The following UGT2B11 variants were observed in gnomAD, a reference collection of about 807,000 sequenced individuals.
UGT2B11 encodes the protein UDP glucuronosyltransferase family 2 member B11.
In UGT2B11, 49 loss-of-function variants were observed where a neutral mutation model predicts 51.7. That is an observed-to-expected ratio of 0.95 (90% confidence interval 0.75 to 1.20). The LOEUF (loss-of-function observed/expected upper bound fraction) is 1.20, where lower values mean the gene tolerates loss of function less well. UGT2B11 is among the 50% of genes most tolerant of loss of function. UGT2B11 has a pLI of 0.00. For missense variants in UGT2B11, 810 were observed against 622.1 expected, an observed-to-expected ratio of 1.30 and a Z score of -3.21; for synonymous variants, 273 against 209.0, an observed-to-expected ratio of 1.31 and a Z score of -2.64.
At chr4:69,204,871 T>C (rs938841271) in intron 4 of UGT2B11, among the ~76,000 whole-genome samples, 7 of 151,782 alleles carry the variant, frequency 4.6e-5, no homozygotes, top group East Asian at 3.9e-4. Context: ...AGATTTTCAG[T>C]TGGACTAATG....
At chr4:69,223,914 G>A in the UGT2B11 span, among the ~76,000 whole-genome samples, 1 of 152,162 alleles carries the variant, frequency 6.6e-6, no homozygotes. Context: ...GTACTTGAGA[G>A]GTCCCAACAA....
chr4:69,221,559 G>C, the UGT2B11 span, among the ~76,000 whole-genome samples: 7 of 152,362 alleles, frequency 4.6e-5, no homozygotes, highest in African/African-American at 1.7e-4. Flanking sequence ...CCCAGCTTTG[G>C]CTAATATGTC....
intron 5 of UGT2B11, chr4:69,201,187 C>T (rs1252866277): frequency 6.6e-6 from 1 of 152,484 alleles, no homozygotes; most frequent in Non-Finnish European, 1.5e-5. Flanking sequence ...TGAGTACATG[C>T]TCAGCATCAT....
chr4:69,224,687 C>T, the UGT2B11 span, among the ~76,000 whole-genome samples: 1 of 151,572 alleles, frequency 6.6e-6, no homozygotes, highest in Non-Finnish European at 1.5e-5. Context: ...GCCTTAGCCA[C>T]GCCAAAGATT....
chr4:69,209,070 A>G (rs1277731179), intron 2 of UGT2B11, among the ~76,000 whole-genome samples: 1 of 150,662 alleles, frequency 6.6e-6, no homozygotes, highest in African/African-American at 2.5e-5. Flanking sequence ...TAGTTTTTCA[A>G]AAAATAAAAA....
At chr4:69,222,826 G>A in the UGT2B11 span, among the ~76,000 whole-genome samples, 1 of 152,164 alleles carries the variant, frequency 6.6e-6, no homozygotes, top group Non-Finnish European at 1.5e-5. Flanking sequence ...TCCTCCTACT[G>A]CTTATAAGGG....
rs138194120 is a variant in UGT2B11 at position 69,204,468 on chromosome 4, G to A, written c.1272C>T (p.Asp424=). ...RLDFNTMSST[D]LLNALKTVIN... ...TTACTGTCTTCAGTGCATTCAGCAG[G>A]TCTGTACTCGACATTGTGTTGAAGT... Residue 424 remains aspartate, a synonymous_variant, in exon 5 of 6, where the codon GAC becomes GAT. Coordinates refer to ENST00000446444, the MANE Select transcript of UGT2B11 (RefSeq NM_001073.3). 6.1e-5 allele frequency: 98 copies of A among 1,611,886 alleles called. No homozygotes were observed. Among genetic ancestry groups the A allele is most frequent in the Non-Finnish European group, 7.2e-5 (85 of 1,178,674 alleles).
rs774662170 is a variant in UGT2B11 at position 69,200,631 on chromosome 4, C to T, written c.1399G>A (p.Val467Ile). The T allele has an allele frequency of 1.2e-6, 2 of 1,612,246 alleles. No individual in the cohort carries two copies. The highest frequency in any genetic ancestry group is 1.7e-6 in the Non-Finnish European group (2 of 1,178,962). ...LDRAVFWIEF[V>I]MPHKGAKHLR... The stretch of plus-strand genomic sequence containing the variant: ...TGTTTGGCTCCTTTGTGGGGCATGA[C>T]AAATTCAATCCAGAAGACTGCTCGA... Residue 467 changes from valine (V) to isoleucine (I), a missense_variant, in exon 6 of 6, where the codon GTC becomes ATC. Physicochemically the swap from Val to Ile is conservative, Grantham distance 29. Coordinates refer to ENST00000446444, the MANE Select transcript of UGT2B11 (RefSeq NM_001073.3).
intron 1 of UGT2B11, 123 bp from the exon 2 acceptor site, chr4:69,212,844 T>C (rs1184315430): frequency 1.3e-5 from 11 of 867,632 alleles, no homozygotes; most frequent in Non-Finnish European, 1.7e-5. Flanking sequence ...TTGAAAAATA[T>C]ATAAATATAT....
upstream of UGT2B11, chr4:69,215,002 G>A (rs564297482): frequency 3.4e-4 from 117 of 348,596 alleles, no homozygotes; most frequent in Non-Finnish European, 5.6e-4. Context: ...TTATAATAGT[G>A]TCAAGAACAG....
the UGT2B11 span, among the ~76,000 whole-genome samples, chr4:69,224,281 T>G: frequency 2.6e-5 from 4 of 152,218 alleles, no homozygotes; most frequent in East Asian, 5.8e-4. Flanking sequence ...TCAGTAACCC[T>G]TGCAGGGAGA....
At chr4:69,213,690 T>C (rs1361753656) in intron 1 of UGT2B11, among the ~76,000 whole-genome samples, 2 of 151,858 alleles carry the variant, frequency 1.3e-5, no homozygotes, top group South Asian at 2.1e-4. Context: ...TTGATGGATT[T>C]TACTGTTTTT....
upstream of UGT2B11, among the ~76,000 whole-genome samples, chr4:69,217,737 G>C (rs1722309803): frequency 6.6e-6 from 1 of 151,488 alleles, no homozygotes; most frequent in Non-Finnish European, 1.5e-5. Flanking sequence ...CCTATGCTGA[G>C]ACTGCATGTC....
chr4:69,205,374 G>A (rs979356357), intron 4 of UGT2B11, 106 bp downstream of exon 4: 6 of 1,423,452 alleles, frequency 4.2e-6, no homozygotes, highest in Non-Finnish European at 5.8e-6. Context: ...TAAATACAAA[G>A]AAGTTCTTTT....
upstream of UGT2B11, among the ~76,000 whole-genome samples, chr4:69,219,314 G>T (rs1467241927): frequency 6.6e-6 from 1 of 151,960 alleles, no homozygotes; most frequent in East Asian, 1.9e-4. Context: ...TTATTAATTT[G>T]TTTAAGTTCC....
In UGT2B11 at chr4:69,214,505, T is replaced by A. The variant is rs111323162; in HGVS notation, c.218A>T (p.Lys73Ile). The A allele has an allele frequency of 6.2e-7, 1 of 1,613,102 alleles. No individual in the cohort carries two copies. Among genetic ancestry groups the A allele is most frequent in the East Asian group, 2.2e-5 (1 of 44,796 alleles). The change falls in exon 1 of 6, where the codon AAA becomes ATA. Residue 73 changes from lysine (K) to isoleucine (I), a missense_variant. By Grantham distance (102) the Lys-to-Ile change is moderately radical (BLOSUM62 -3). Transcript: ENST00000446444. The part of the protein sequence containing the change: ...LFDPNDASTL[K>I]FEVYPTSLTK... Reference sequence around the variant, plus strand: ...TAAAGATGTAGGATAAACTTCAAATTTAAGAGTGGATGCATCATTGGGATC... The same window carrying A: ...TAAAGATGTAGGATAAACTTCAAATATAAGAGTGGATGCATCATTGGGATC...
Position 69,204,463 on chromosome 4 carries a change from A to G in UGT2B11, c.1277T>C (p.Leu426Pro), listed in dbSNP as rs1238985300. The part of the protein sequence containing the change: ...DFNTMSSTDL[L>P]NALKTVINDP... Reference sequence around the variant, plus strand: ...ATTAATTACTGTCTTCAGTGCATTCAGCAGGTCTGTACTCGACATTGTGTT... The same window carrying G: ...ATTAATTACTGTCTTCAGTGCATTCGGCAGGTCTGTACTCGACATTGTGTT... The change falls in exon 5 of 6, where the codon CTG becomes CCG. Residue 426 changes from leucine (L) to proline (P), a missense_variant. Coordinates refer to ENST00000446444, the MANE Select transcript of UGT2B11 (RefSeq NM_001073.3). 1.6e-5 allele frequency: 26 copies of G among 1,612,038 alleles called. No individual in the cohort carries two copies. The highest frequency in any genetic ancestry group is 2.2e-5 in the Non-Finnish European group (26 of 1,178,636).
intron 5 of UGT2B11, 85 bp downstream of exon 5, chr4:69,204,345 T>C (rs1373589709): frequency 3.9e-6 from 6 of 1,557,376 alleles, no homozygotes; most frequent in East Asian, 2.3e-5. Flanking sequence ...ATTACTCTCT[T>C]ATAAAAAGGA....
chr4:69,208,399 T>G lies in UGT2B11; in HGVS notation c.954A>C (p.Ala318=). The stretch of plus-strand genomic sequence containing the variant: ...CTGTTGCAATTACATTGGCCCTTTC[T>G]GCTGTCATGTTACTTATCACTGACC... ...SLGSVISNMT[A]ERANVIATAL... Residue 318 remains alanine, a synonymous_variant, in exon 3 of 6, where the codon GCA becomes GCC. Coordinates refer to ENST00000446444, the MANE Select transcript of UGT2B11 (RefSeq NM_001073.3). 2 of 1,611,068 alleles carry G rather than the reference T, an allele frequency of 1.2e-6. No individual in the cohort carries two copies. Among genetic ancestry groups the G allele is most frequent in the Non-Finnish European group, 1.7e-6 (2 of 1,178,222 alleles).
Sources: gnomAD v4.1 joint callset for allele counts (sites outside exome capture counted in the v4.1 genomes callset) on GRCh38, gnomAD v4.1.1 for gene constraint, MANE v1.5 for transcripts, NCBI Gene and HGNC (gene_info 2026-07-23, HGNC 2026-07-21) for gene names.